Variants in SCIN observed in about 807,000 individuals in gnomAD.
The protein encoded by SCIN is scinderin.
SCIN carries 91 observed loss-of-function variants against 91.8 expected under a neutral mutation model. That is an observed-to-expected ratio of 0.99 (90% CI 0.84 to 1.18). SCIN has a LOEUF of 1.18. Among genes scored for constraint, SCIN ranks in the 50% most tolerant of loss-of-function variants. The pLI is 0.00. For synonymous variants in SCIN, 367 were observed against 312.6 expected (o/e 1.17, Z -1.84); for missense variants, 1,087 against 863.9 (o/e 1.26, Z -3.24).
At chr7:12,594,915 T>C (rs1583286848) in intron 3 of SCIN, among the ~76,000 whole-genome samples, 4 of 152,142 alleles carry the variant, frequency 2.6e-5, no homozygotes, top group Admixed American at 6.5e-5. Context: ...AAGTCTCTCT[T>C]ACTCACCCCT....
chr7:12,621,700 A>G (rs1266767768), intron 4 of SCIN, among the ~76,000 whole-genome samples: 1 of 147,222 alleles, frequency 6.8e-6, no homozygotes, highest in African/African-American at 2.5e-5. Context: ...CTGCATTACA[A>G]TCATTTAGCA....
At chr7:12,633,300 T>G (rs540125864) in intron 9 of SCIN, among the ~76,000 whole-genome samples, 1 of 152,350 alleles carries the variant, frequency 6.6e-6, no homozygotes, top group African/African-American at 2.4e-5. Context: ...GATGAATCTC[T>G]TGAAGTAGTA....
rs1189873530 is a variant in SCIN, at chr7:12,659,777, A to G, written c.*7062A>G. ...AAATAACTAGCTCCCCACTTTACACAGAGTACACCATGTCAGGCCTCTGAG... is the reference window on the plus strand; with the variant it reads ...AAATAACTAGCTCCCCACTTTACACGGAGTACACCATGTCAGGCCTCTGAG... On this transcript the variant is annotated 3_prime_UTR_variant, in exon 16 of 16. Transcript: ENST00000297029. 3.0e-5 allele frequency: 5 copies of G among 165,378 alleles called. No individual in the cohort carries two copies. The highest frequency in any genetic ancestry group is 5.2e-5 in the Non-Finnish European group (4 of 76,580). The allele number at this position is 165,378 out of a possible 1,614,324, so 10.2% of individuals were successfully genotyped here.
In SCIN at chr7:12,657,185, A is replaced by C. The variant is rs1784177373; in HGVS notation, c.*4470A>C. ...GTGTGTACCCAACAAAAATGCATAC[A>C]TGTGTGTACTAAAGGATATAATATG... On this transcript the variant is annotated 3_prime_UTR_variant, in exon 16 of 16. Transcript: ENST00000297029. The C allele has an allele frequency of 6.8e-6, 1 of 146,030 alleles. No homozygotes were observed. The highest frequency in any genetic ancestry group is 2.0e-4 in the East Asian group (1 of 4,948). The allele number at this position is 146,030 out of a possible 1,614,324, so 9.0% of individuals were successfully genotyped here.
chr7:12,583,115 A>C (rs1782522396), intron 3 of SCIN, among the ~76,000 whole-genome samples: 1 of 139,836 alleles, frequency 7.2e-6, no homozygotes, highest in African/African-American at 2.6e-5. Flanking sequence ...TTCTTTTCTT[A>C]AAAAAAAAAA....
Position 12,652,900 on chromosome 7 carries a change from C to T in SCIN, c.*185C>T, listed in dbSNP as rs973587896. 57 of 614,376 alleles carry T rather than the reference C, an allele frequency of 9.3e-5. 1 individual carries two copies. Among genetic ancestry groups the T allele is most frequent in the African/African-American group, 1.6e-4 (8 of 51,380 alleles). 38.1% of individuals were successfully genotyped at this position (614,376 alleles called of 1,614,324 possible). ...AGGCGGATCACTGGGGTCAGGATTT[C>T]GAGACCAGCCTGGCCAACATGGCGA... On this transcript the variant is annotated 3_prime_UTR_variant, in exon 16 of 16. Transcript: ENST00000297029.
chr7:12,608,671 G>T (rs927223988), intron 4 of SCIN, among the ~76,000 whole-genome samples: 4 of 151,958 alleles, frequency 2.6e-5, no homozygotes, highest in Admixed American at 6.6e-5. Context: ...TAGAGACGGG[G>T]TTTCACTCTG....
chr7:12,592,459 A>C (rs11767472), intron 3 of SCIN, among the ~76,000 whole-genome samples: 5 of 151,706 alleles, frequency 3.3e-5, no homozygotes, highest in Admixed American at 6.6e-5. Context: ...ATTGAGGAAC[A>C]TTGGGAAATT....
chr7:12,602,162 G>T (rs904155594), intron 3 of SCIN, among the ~76,000 whole-genome samples: 1 of 152,158 alleles, frequency 6.6e-6, no homozygotes, highest in African/African-American at 2.4e-5. Context: ...TTTACAACTG[G>T]GCCTCCAGGG....
intron 3 of SCIN, among the ~76,000 whole-genome samples, chr7:12,603,615 A>G (rs553382789): frequency 6.6e-5 from 10 of 152,088 alleles, no homozygotes; most frequent in Non-Finnish European, 1.2e-4. Flanking sequence ...ATTTTTCATT[A>G]TTATTTTACG....
rs1484462316 is a variant in SCIN at position 12,625,926 on chromosome 7, A to T, written c.981+76A>T. ...ATGACATCTCCACGAAACTCATGAAAAAGTTTGGGTCAAAGTAACGTCTGT... is the reference window on the plus strand; with the variant it reads ...ATGACATCTCCACGAAACTCATGAATAAGTTTGGGTCAAAGTAACGTCTGT... On this transcript the variant is annotated intron_variant, in intron 7 of 15. Coordinates refer to ENST00000297029, the MANE Select transcript of SCIN (RefSeq NM_001112706.3). The T allele has an allele frequency of 2.8e-6, 3 of 1,080,122 alleles. No homozygotes were observed. The African/African-American group carries it at 4.8e-5, about 17-fold the overall frequency. The allele number at this position is 1,080,122 out of a possible 1,614,324, so 66.9% of individuals were successfully genotyped here.
At chr7:12,629,977 AG>A (rs1283106141) in intron 9 of SCIN, among the ~76,000 whole-genome samples, 1 of 152,156 alleles carries the variant, frequency 6.6e-6, no homozygotes, top group Admixed American at 6.5e-5. Context: ...TTCTTAAAAA[AG>A]ATCTTCAAGC....
At chr7:12,624,849 A>T (rs762823632) in intron 5 of SCIN, among the ~76,000 whole-genome samples, 161 bp from the exon 6 acceptor site, 2 of 152,166 alleles carry the variant, frequency 1.3e-5, no homozygotes, top group African/African-American at 2.4e-5. Flanking sequence ...TTTTATTGAG[A>T]TATAATTTAT....
chr7:12,610,423 A>T (rs1470393904), intron 4 of SCIN, among the ~76,000 whole-genome samples: 1 of 152,236 alleles, frequency 6.6e-6, no homozygotes, highest in African/African-American at 2.4e-5. Context: ...TACTTTGCAA[A>T]ATAAAATTTA....
chr7:12,632,074 AT>A lies in SCIN; in HGVS notation c.1319+2854del, dbSNP rs536233407. ...AAGAGTTTGTATGGGGTGTTATATG[AT>A]TGGTTTTCATTTTATTTTATTTTAT... On this transcript the variant is annotated intron_variant, in intron 9 of 15. Transcript: ENST00000297029. 1.1e-3 allele frequency among the ~76,000 whole-genome samples: 159 copies of A among 149,544 alleles called. 1 individual carries two copies. Among genetic ancestry groups the A allele is most frequent in the Non-Finnish European group, 1.2e-3 (78 of 67,106 alleles).
intron 3 of SCIN, among the ~76,000 whole-genome samples, chr7:12,598,948 AATTAATAATGACTTGT>A (rs1782900688): frequency 6.6e-6 from 1 of 152,170 alleles, no homozygotes; most frequent in Non-Finnish European, 1.5e-5. Context: ...ACAGTGTTTT[AATTAATAATGACTTGT>A]CAAGCATTCT....
chr7:12,648,978 A>G (rs1430044518), intron 13 of SCIN, among the ~76,000 whole-genome samples: 2 of 152,234 alleles, frequency 1.3e-5, no homozygotes, highest in African/African-American at 4.8e-5. Flanking sequence ...ATATAAGACC[A>G]GTGTATACTG....
At chr7:12,601,260 G>C (rs772744964) in intron 3 of SCIN, among the ~76,000 whole-genome samples, 2 of 152,176 alleles carry the variant, frequency 1.3e-5, no homozygotes, top group African/African-American at 4.8e-5. Context: ...GGTGCTTCCA[G>C]TACCTACAGG....
At chr7:12,626,252 G>T (rs1447666718) in intron 7 of SCIN, 3 of 328,402 alleles carry the variant, frequency 9.1e-6, no homozygotes, top group Non-Finnish European at 1.7e-5. Flanking sequence ...GAATCTCTCA[G>T]CCTCATCTAC....
Sources: allele counts gnomAD v4.1 joint callset (sites outside exome capture counted in the v4.1 genomes callset), GRCh38; gene constraint gnomAD v4.1.1; transcripts MANE v1.5; gene names NCBI Gene and HGNC (gene_info 2026-07-23, HGNC 2026-07-21).